DPP6: variants seen among roughly 807,000 people sequenced by gnomAD.
The protein encoded by DPP6 is dipeptidyl peptidase like 6.
In DPP6, 69 loss-of-function variants were observed where a neutral mutation model predicts 122.6. The ratio of observed to expected loss-of-function variants is 0.56; its 90% CI spans 0.46 to 0.69. DPP6 has a LOEUF of 0.69. DPP6 is among the 30% of genes least tolerant of loss of function. The pLI is 0.00. For missense variants in DPP6, 928 were observed against 1,116.9 expected (o/e 0.83, Z 2.41); for synonymous variants, 418 against 433.1 (o/e 0.97, Z 0.43).
chr7:154,624,847 C>T lies in DPP6; in HGVS notation c.628-12974C>T, dbSNP rs377295812. On this transcript the variant is annotated intron_variant, in intron 5 of 25. Transcript: ENST00000377770. The surrounding 1 kb of genome is among the most constrained non-coding windows in gnomAD (Gnocchi z 4.7). ...TATGCTAACAGAAGCAGGCACACAGCGGCCCCGTCTTCCTCCCATCTGTGA... is the reference window on the plus strand; with the variant it reads ...TATGCTAACAGAAGCAGGCACACAGTGGCCCCGTCTTCCTCCCATCTGTGA... Among the ~76,000 whole-genome samples the T allele has an allele frequency of 7.9e-5, 12 of 152,302 alleles. No individual in the cohort carries two copies. Among genetic ancestry groups the T allele is most frequent in the African/African-American group, 2.6e-4 (11 of 41,568 alleles).
chr7:154,817,621 C>T (rs1359202413), intron 16 of DPP6, among the ~76,000 whole-genome samples: 3 of 152,120 alleles, frequency 2.0e-5, no homozygotes, highest in Non-Finnish European at 4.4e-5. Flanking sequence ...ATGTCATGAA[C>T]ATCATGAGTG....
intron 18 of DPP6, among the ~76,000 whole-genome samples, chr7:154,871,708 A>T (rs533159008): frequency 1.3e-5 from 2 of 152,252 alleles, no homozygotes; most frequent in South Asian, 2.1e-4. Flanking sequence ...ATTCAGCCCG[A>T]ATCAGTAATG....
intron 1 of DPP6, among the ~76,000 whole-genome samples, chr7:154,347,997 G>A (rs1810540212): frequency 6.6e-6 from 1 of 152,210 alleles, no homozygotes; most frequent in East Asian, 1.9e-4. Flanking sequence ...TTTAGCAGCA[G>A]TATTTGGCAG....
Position 154,827,045 on chromosome 7 carries a change from T to C in DPP6, c.1666+19933T>C, listed in dbSNP as rs1331514740. ...AACATAGCATCTATCATAGTAGACATCATCTCCTAGCACATAGTTTAAGCT... is the reference window on the plus strand; with the variant it reads ...AACATAGCATCTATCATAGTAGACACCATCTCCTAGCACATAGTTTAAGCT... On this transcript the variant is annotated intron_variant, in intron 16 of 25. Coordinates refer to ENST00000377770, the MANE Select transcript of DPP6 (RefSeq NM_130797.4). Among the ~76,000 whole-genome samples, 5 of 152,104 alleles carry C rather than the reference T, an allele frequency of 3.3e-5. No individual in the cohort carries two copies. In the South Asian group the frequency reaches 1.0e-3, roughly 32 times the overall value.
intron 3 of DPP6, among the ~76,000 whole-genome samples, chr7:154,531,674 T>C (rs1449596276): frequency 6.6e-6 from 1 of 152,210 alleles, no homozygotes; most frequent in Non-Finnish European, 1.5e-5. Flanking sequence ...AATTTCTTTA[T>C]AAACCATGTT....
At chr7:154,784,152 T>C (rs1030378646) in intron 10 of DPP6, among the ~76,000 whole-genome samples, 1 of 152,116 alleles carries the variant, frequency 6.6e-6, no homozygotes, top group Admixed American at 6.5e-5. Context: ...TGGAACCTCC[T>C]GCATGGCGTG....
intron 1 of DPP6, among the ~76,000 whole-genome samples, chr7:154,262,939 C>T (rs1466336464): frequency 2.0e-5 from 3 of 152,140 alleles, no homozygotes; most frequent in African/African-American, 7.2e-5. Flanking sequence ...TATTAGGTTA[C>T]GACAGTGGGG....
the DPP6 span, among the ~76,000 whole-genome samples, chr7:153,829,823 A>AC: frequency 1.3e-5 from 2 of 152,092 alleles, no homozygotes; most frequent in Non-Finnish European, 2.9e-5. Context: ...TGTCAGATTG[A>AC]CCGATTGTTT....
intron 7 of DPP6, among the ~76,000 whole-genome samples, chr7:154,702,828 A>G (rs1840598836): frequency 6.6e-6 from 1 of 152,260 alleles, no homozygotes; most frequent in Non-Finnish European, 1.5e-5. Flanking sequence ...CAAACAACAG[A>G]TTTTTAGTGA....
chr7:154,633,248 AG>A, intron 5 of DPP6, among the ~76,000 whole-genome samples: 1 of 151,862 alleles, frequency 6.6e-6, no homozygotes, highest in Admixed American at 6.6e-5. Flanking sequence ...TTATTCATTT[AG>A]TTTTTGAGAT....
Position 153,973,675 on chromosome 7 carries a change from G to GTGTGTGTGTGTC in DPP6, c.51+85942_51+85943insGTGTGTGTGTCT, listed in dbSNP as rs61194333. On this transcript the variant is annotated intron_variant, in intron 1 of 25. Transcript: ENST00000404039. ...TGTGTGTGTGTGTGTGTGTGTGTGT[G>GTGTGTGTGTGTC]TCTAATGGTAGGATGTTTCAGTCTC... Among the ~76,000 whole-genome samples, 147 of 133,072 alleles carry GTGTGTGTGTGTC rather than the reference G, an allele frequency of 1.1e-3. 1 individual carries two copies. Among genetic ancestry groups the GTGTGTGTGTGTC allele is most frequent in the Non-Finnish European group, 9.1e-4 (56 of 61,392 alleles). 87.3% of individuals were successfully genotyped at this position (133,072 alleles called of 152,430 possible). A position where few individuals can be genotyped will look rare whatever the true frequency, so the allele number is the denominator to read the frequency against.
At chr7:153,966,651 G>T (rs1351979395) in intron 1 of DPP6, among the ~76,000 whole-genome samples, 1 of 143,788 alleles carries the variant, frequency 7.0e-6, no homozygotes, top group Non-Finnish European at 1.5e-5. Flanking sequence ...TGTGCACAAC[G>T]TGCAGGTTTG....
At chr7:154,734,382 A>C (rs1261870333) in intron 8 of DPP6, among the ~76,000 whole-genome samples, 1 of 152,174 alleles carries the variant, frequency 6.6e-6, no homozygotes, top group Non-Finnish European at 1.5e-5. Context: ...TGCAAATATT[A>C]ACTGCCTCTG....
chr7:154,635,749 C>T (rs1193510858), intron 5 of DPP6, among the ~76,000 whole-genome samples: 1 of 152,080 alleles, frequency 6.6e-6, no homozygotes, highest in Non-Finnish European at 1.5e-5. Context: ...AGATGGGGAA[C>T]CCATTTCCAC....
At chr7:153,973,838 A>ACTGTTCATTTTTAGTATAGAAGCTG (rs1796157510) in intron 1 of DPP6, among the ~76,000 whole-genome samples, 1 of 146,890 alleles carries the variant, frequency 6.8e-6, no homozygotes, top group Non-Finnish European at 1.5e-5. Flanking sequence ...AATATTTTGC[A>ACTGTTCATTTTTAGTATAGAAGCTG]CTGTTCATTT....
chr7:154,517,007 T>C (rs887883470), intron 3 of DPP6, among the ~76,000 whole-genome samples: 2 of 152,180 alleles, frequency 1.3e-5, no homozygotes, highest in Non-Finnish European at 2.9e-5. Context: ...CATTATGTGT[T>C]TGCTATATGA....
At chr7:154,281,527 CACT>C (rs1362542846) in intron 1 of DPP6, among the ~76,000 whole-genome samples, 4 of 152,140 alleles carry the variant, frequency 2.6e-5, no homozygotes, top group Non-Finnish European at 2.9e-5. Flanking sequence ...TTAACACCAC[CACT>C]GTTTGTTGTA....
At chr7:153,912,443 C>T (rs1585020854) in intron 1 of DPP6, among the ~76,000 whole-genome samples, 1 of 152,148 alleles carries the variant, frequency 6.6e-6, no homozygotes, top group Non-Finnish European at 1.5e-5. Flanking sequence ...AAGCTGAATC[C>T]TCCCCAGCCT....
chr7:154,595,975 C>T (rs1460210720), intron 5 of DPP6, among the ~76,000 whole-genome samples: 7 of 152,180 alleles, frequency 4.6e-5, no homozygotes, highest in Non-Finnish European at 1.0e-4. Context: ...GCAGGAGAAT[C>T]GCTTGAACCC....
Sources: allele counts gnomAD v4.1 joint callset (sites outside exome capture counted in the v4.1 genomes callset), GRCh38; gene constraint gnomAD v4.1.1; non-coding constraint Gnocchi (gnomAD v3.1); transcripts MANE v1.5; gene names NCBI Gene and HGNC (gene_info 2026-07-23, HGNC 2026-07-21).